ACACA: variants seen among roughly 807,000 people sequenced by gnomAD.
ACACA encodes the protein acetyl-CoA carboxylase 1.
ACACA carries 103 observed loss-of-function variants against 296.1 expected under a neutral mutation model. The observed-to-expected ratio is 0.35, with a 90% confidence interval of 0.30 to 0.41. The LOEUF (loss-of-function observed/expected upper bound fraction) is 0.41. Ranked by LOEUF, ACACA falls within the 10% of genes least tolerant of loss-of-function variation. The pLI is 1.00. For missense variants in ACACA, 1,554 were observed against 2,989.7 expected (o/e 0.52, Z 11.20); for synonymous variants, 953 against 1,038.6 (o/e 0.92, Z 1.58).
chr17:37,279,502 C>T (rs1368209234), intron 5 of ACACA, among the ~76,000 whole-genome samples: 1 of 152,052 alleles, frequency 6.6e-6, no homozygotes, highest in Non-Finnish European at 1.5e-5. Context: ...GGGATGGTGG[C>T]ACAAGCCTGT....
chr17:37,325,579 C>CT (rs1156553256), intron 3 of ACACA, among the ~76,000 whole-genome samples: 2,496 of 67,810 alleles, frequency 0.037, 262 homozygotes, highest in African/African-American at 0.11. Context: ...TCTTTTCTTT[C>CT]TTTTTTTTTT....
chr17:37,316,379 G>C (rs1431209419), intron 3 of ACACA, among the ~76,000 whole-genome samples: 3 of 150,382 alleles, frequency 2.0e-5, no homozygotes, highest in African/African-American at 7.4e-5. Context: ...TCAAATTCTA[G>C]TTCAAACATC....
At chr17:37,386,570 C>T (rs953572368) in intron 1 of ACACA, among the ~76,000 whole-genome samples, 12 of 151,846 alleles carry the variant, frequency 7.9e-5, no homozygotes, top group South Asian at 4.2e-4. Context: ...CCAGCAGGGG[C>T]GACAGAGTGA....
intron 3 of ACACA, among the ~76,000 whole-genome samples, chr17:37,309,899 A>C (rs940662094): frequency 6.6e-6 from 1 of 151,960 alleles, no homozygotes; most frequent in African/African-American, 2.4e-5. Flanking sequence ...AAAAAAATTT[A>C]AAAATTATCC....
At chr17:37,260,253 T>C (rs1277583703) in intron 11 of ACACA, among the ~76,000 whole-genome samples, 4 of 8,090 alleles carry the variant, frequency 4.9e-4, no homozygotes, top group African/African-American at 2.5e-3. Context: ...CCAAGTCATA[T>C]ATATATATAT....
At chr17:37,371,637 C>T (rs775563934) in intron 1 of ACACA, among the ~76,000 whole-genome samples, 30 of 152,048 alleles carry the variant, frequency 2.0e-4, no homozygotes, top group Non-Finnish European at 4.4e-4. Flanking sequence ...GAGTAGCTCA[C>T]GCCTGTAATC....
At chr17:37,278,292 C>T (rs1041357963) in intron 5 of ACACA, among the ~76,000 whole-genome samples, 4 of 152,190 alleles carry the variant, frequency 2.6e-5, no homozygotes, top group African/African-American at 4.8e-5. Flanking sequence ...TATATCAAGG[C>T]TGATGTGTCT....
At position 37,087,124 on chromosome 17, in the gene ACACA, G is replaced by A. The variant is rs1346136732; in HGVS notation, c.*192C>T. 4.0e-6 allele frequency: 3 copies of A among 742,224 alleles called. No individual in the cohort carries two copies. The highest frequency in any genetic ancestry group is 6.8e-6 in the Non-Finnish European group (3 of 440,162). 46.0% of individuals were successfully genotyped at this position (742,224 alleles called of 1,614,324 possible). A position where few individuals can be genotyped will look rare whatever the true frequency, so the allele number is the denominator to read the frequency against. On this transcript the variant is annotated 3_prime_UTR_variant, in exon 56 of 56. Transcript: ENST00000616317. ...AATACTGAATGGGGTAGGTGTGACT[G>A]GTGGGCTGGAGGGGGATTCTGTGAT...
chr17:37,207,549 G>T, intron 31 of ACACA, 108 bp downstream of exon 31: 1 of 1,339,696 alleles, frequency 7.5e-7, no homozygotes, highest in Non-Finnish European at 1.1e-6. Context: ...CTTTTTAGCT[G>T]GCTCATGGCT....
chr17:37,283,455 A>T, intron 4 of ACACA, 50 bp from the exon 5 acceptor site: 1 of 1,600,156 alleles, frequency 6.2e-7, no homozygotes, highest in Non-Finnish European at 8.6e-7. Flanking sequence ...GAAAAAAGCA[A>T]CAATGGAGGA....
chr17:37,194,492 G>T (rs956568707), intron 35 of ACACA, among the ~76,000 whole-genome samples: 1 of 152,094 alleles, frequency 6.6e-6, no homozygotes, highest in Non-Finnish European at 1.5e-5. Context: ...ATAAACTTGG[G>T]TCTCTCTAGT....
chr17:37,388,667 T>C (rs1445734150), intron 1 of ACACA: 7 of 1,611,564 alleles, frequency 4.3e-6, no homozygotes, highest in Non-Finnish European at 5.9e-6. Context: ...CTCTCTCCTT[T>C]AGACACAGAT....
intron 28 of ACACA, 22 bp downstream of exon 28, chr17:37,223,490 T>G (rs1164203743): frequency 1.3e-6 from 2 of 1,535,950 alleles, no homozygotes; most frequent in Admixed American, 3.3e-5. Context: ...AAAGGTCATG[T>G]CCCATTACCA....
chr17:37,085,532 G>A lies in ACACA; in HGVS notation c.*1784C>T. On this transcript the variant is annotated 3_prime_UTR_variant, in exon 56 of 56. Transcript: ENST00000616317. ...CAAAAATGAATCCAATTCTTACTAG[G>A]TAAGCAAATAGCCAGCAATGGTCAA... 2.5e-6 allele frequency: 1 copy of A among 398,426 alleles called. No homozygotes were observed. Among genetic ancestry groups the A allele is most frequent in the Non-Finnish European group, 4.4e-6 (1 of 226,084 alleles). 24.7% of individuals were successfully genotyped at this position (398,426 alleles called of 1,614,324 possible). A position where few individuals can be genotyped will look rare whatever the true frequency, so the allele number is the denominator to read the frequency against.
At chr17:37,363,339 T>C (rs2049488055) in intron 1 of ACACA, among the ~76,000 whole-genome samples, 1 of 151,740 alleles carries the variant, frequency 6.6e-6, no homozygotes, top group African/African-American at 2.4e-5. Context: ...CGTGCCACCA[T>C]GCCCAGCTAA....
intron 5 of ACACA, among the ~76,000 whole-genome samples, chr17:37,282,830 C>G (rs1206445505): frequency 6.6e-6 from 1 of 152,110 alleles, no homozygotes; most frequent in Non-Finnish European, 1.5e-5. Context: ...GTGAAACACA[C>G]TTCGGTCCCA....
At position 37,182,805 on chromosome 17, in the gene ACACA, C is replaced by G. The variant is rs539351074; in HGVS notation, c.4777-1449G>C. Among the ~76,000 whole-genome samples the G allele has an allele frequency of 5.9e-5, 9 of 152,292 alleles. No individual in the cohort carries two copies. In the East Asian group the frequency reaches 1.7e-3, roughly 29 times the overall value. On this transcript the variant is annotated intron_variant, in intron 39 of 55. Coordinates refer to ENST00000616317, the MANE Select transcript of ACACA (RefSeq NM_198834.3). ...AATAGAATTAAGTACCTTCCTAAAT[C>G]GTGGGTACAGTTCATCTGTAAATCC...
chr17:37,363,894 G>A (rs529996620), intron 1 of ACACA, among the ~76,000 whole-genome samples: 3 of 152,178 alleles, frequency 2.0e-5, no homozygotes, highest in African/African-American at 7.2e-5. Context: ...AGGACGAGGC[G>A]GGTGGATCAC....
At chr17:37,277,856 G>A (rs2082345364) in intron 6 of ACACA, 40 bp downstream of exon 6, 2 of 1,480,426 alleles carry the variant, frequency 1.4e-6, no homozygotes, top group Admixed American at 1.7e-5. Flanking sequence ...ACTATAAAAT[G>A]GCTGAATTTG....
Sources: gnomAD v4.1 joint callset for allele counts (sites outside exome capture counted in the v4.1 genomes callset) on GRCh38, gnomAD v4.1.1 for gene constraint, MANE v1.5 for transcripts, NCBI Gene and HGNC (gene_info 2026-07-23, HGNC 2026-07-21) for gene names.